Variants in AP1AR observed in about 807,000 individuals in gnomAD.
AP1AR encodes AP-1 complex-associated regulatory protein.
Under a neutral mutation model 46.3 loss-of-function variants are expected in AP1AR, and 29 were observed. The ratio of observed to expected loss-of-function variants is 0.63; its 90% CI spans 0.47 to 0.85. AP1AR has a LOEUF of 0.85. Ranked by LOEUF, AP1AR falls within the 40% of genes least tolerant of loss-of-function variation. AP1AR has a pLI of 0.00. For synonymous variants in AP1AR, 122 were observed against 122.9 expected (o/e 0.99, Z 0.05); for missense variants, 357 against 356.3 (o/e 1.00, Z -0.02).
At chr4:112,265,304 T>C (rs1031652593) in intron 7 of AP1AR, 1 of 411,814 alleles carries the variant, frequency 2.4e-6, no homozygotes. Flanking sequence ...CCCATATAGA[T>C]GTGATACAAT....
intron 1 of AP1AR, among the ~76,000 whole-genome samples, chr4:112,234,283 G>T (rs897366160): frequency 3.3e-5 from 5 of 152,196 alleles, no homozygotes; most frequent in African/African-American, 1.2e-4. Flanking sequence ...ATTCTCCAAT[G>T]AACATTTTCT....
intron 7 of AP1AR, chr4:112,265,325 C>T (rs181706282): frequency 2.4e-4 from 93 of 387,922 alleles, no homozygotes; most frequent in African/African-American, 1.3e-3. Context: ...AGCTGAATGC[C>T]TTTGGGTGAG....
Position 112,255,798 on chromosome 4 carries a change from T to C in AP1AR, c.159+1025T>C, listed in dbSNP as rs62313755. Among the ~76,000 whole-genome samples the C allele has an allele frequency of 5.2e-3, 799 of 152,358 alleles. 3 individuals carry two copies. The highest frequency in any genetic ancestry group is 8.0e-3 in the Non-Finnish European group (544 of 68,024). On this transcript the variant is annotated intron_variant, in intron 3 of 9. Coordinates refer to ENST00000274000, the MANE Select transcript of AP1AR (RefSeq NM_018569.6). ...TCAGCAAATTGTGTATATTTCAACA[T>C]TTGATCTTAGTCAAAAGGCTAAGAA...
chr4:112,253,713 T>C (rs1039964937), intron 2 of AP1AR, among the ~76,000 whole-genome samples: 1 of 152,198 alleles, frequency 6.6e-6, no homozygotes, highest in African/African-American at 2.4e-5. Flanking sequence ...CACTCCACCA[T>C]ACAAATTAAG....
rs1315718749 is a variant in AP1AR at position 112,271,977 on chromosome 4, A to C, written c.*3568A>C. Among the ~76,000 whole-genome samples, 1 of 152,220 alleles carries C rather than the reference A, an allele frequency of 6.6e-6. No homozygotes were observed. The highest frequency in any genetic ancestry group is 1.5e-5 in the Non-Finnish European group (1 of 68,038). The stretch of plus-strand genomic sequence containing the variant: ...GATACAGGAGGAATGCAGGAACCAG[A>C]GAATAGTGTCACAGGAGCCAGGAAA... On this transcript the variant is annotated 3_prime_UTR_variant, in exon 10 of 10. Transcript: ENST00000274000.
At position 112,257,755 on chromosome 4, in the gene AP1AR, A is replaced by C; in HGVS notation, c.160-17A>C. On this transcript the variant is annotated splice_polypyrimidine_tract_variant and intron_variant, in intron 3 of 9. Transcript: ENST00000274000. The stretch of plus-strand genomic sequence containing the variant: ...GCTAATGAATTTGTTTTAATTGTTT[A>C]ATTAATTTTTGTACAGGGGGAGAGC... 1 of 1,553,398 alleles carries C rather than the reference A, an allele frequency of 6.4e-7. No individual in the cohort carries two copies. Among genetic ancestry groups the C allele is most frequent in the South Asian group, 1.2e-5 (1 of 81,716 alleles).
chr4:112,253,082 T>A (rs1390036773), intron 1 of AP1AR, 126 bp from the exon 2 acceptor site: 1 of 617,050 alleles, frequency 1.6e-6, no homozygotes, highest in Non-Finnish European at 2.6e-6. Flanking sequence ...GTTCTTTTTT[T>A]ATAAATATAA....
At chr4:112,232,548 A>G (rs553248435) in intron 1 of AP1AR, among the ~76,000 whole-genome samples, 1 of 152,388 alleles carries the variant, frequency 6.6e-6, no homozygotes, top group Admixed American at 6.5e-5. Context: ...CGCCAAAGCT[A>G]GTATCCCTGT....
intron 1 of AP1AR, among the ~76,000 whole-genome samples, chr4:112,239,118 A>G (rs34762579): frequency 0.027 from 4,102 of 152,022 alleles, 183 homozygotes; most frequent in East Asian, 0.16. Context: ...TCTGTCCTCT[A>G]TATTTGTAGT....
At chr4:112,242,902 A>G (rs1018708327) in intron 1 of AP1AR, among the ~76,000 whole-genome samples, 3 of 152,214 alleles carry the variant, frequency 2.0e-5, no homozygotes, top group African/African-American at 7.2e-5. Context: ...TTACATGTAA[A>G]TGAATGTCCA....
At chr4:112,240,519 C>T (rs1419661680) in intron 1 of AP1AR, among the ~76,000 whole-genome samples, 3 of 152,178 alleles carry the variant, frequency 2.0e-5, no homozygotes, top group Admixed American at 1.3e-4. Flanking sequence ...AATGAATACC[C>T]AGCTCTCAGT....
chr4:112,263,295 A>G (rs115161870), intron 6 of AP1AR, among the ~76,000 whole-genome samples: 236 of 152,322 alleles, frequency 1.5e-3, no homozygotes, highest in Admixed American at 3.3e-3. Context: ...TTGATACTCA[A>G]TGCTATTTAG....
At chr4:112,234,708 T>G (rs1412398202) in intron 1 of AP1AR, among the ~76,000 whole-genome samples, 1 of 151,912 alleles carries the variant, frequency 6.6e-6, no homozygotes. Flanking sequence ...AGTATAGGTC[T>G]GGATAGTTAG....
At chr4:112,259,807 G>A (rs1191711246) in intron 4 of AP1AR, among the ~76,000 whole-genome samples, 1 of 152,150 alleles carries the variant, frequency 6.6e-6, no homozygotes, top group Non-Finnish European at 1.5e-5. Context: ...TGTAGTAGGT[G>A]ACTCTGAACA....
At chr4:112,266,894 A>G in intron 9 of AP1AR, 178 bp downstream of exon 9, 1 of 501,198 alleles carries the variant, frequency 2.0e-6, no homozygotes, top group Non-Finnish European at 3.3e-6. Context: ...ATTTTTAGAA[A>G]ATTGCTTAAT....
At chr4:112,245,067 G>A (rs1306285766) in intron 1 of AP1AR, among the ~76,000 whole-genome samples, 2 of 151,992 alleles carry the variant, frequency 1.3e-5, no homozygotes, top group African/African-American at 2.4e-5. Flanking sequence ...AAGTAGGGTG[G>A]CTATTCTCCT....
chr4:112,243,148 C>T (rs533068251), intron 1 of AP1AR, among the ~76,000 whole-genome samples: 6 of 152,218 alleles, frequency 3.9e-5, no homozygotes, highest in East Asian at 1.9e-4. Flanking sequence ...ATTATGTGCC[C>T]GTAATCATTT....
intron 1 of AP1AR, among the ~76,000 whole-genome samples, chr4:112,237,774 CT>C (rs1560600976): frequency 6.6e-6 from 1 of 152,102 alleles, no homozygotes; most frequent in Admixed American, 6.6e-5. Context: ...GATATTCCTT[CT>C]TTTTTTAGTT....
rs564434500 is a variant in AP1AR, at chr4:112,233,567, C to T, written c.83+1393C>T. Among the ~76,000 whole-genome samples, 4 of 152,344 alleles carry T rather than the reference C, an allele frequency of 2.6e-5. No homozygotes were observed. The East Asian group carries it at 7.7e-4, about 29-fold the overall frequency. On this transcript the variant is annotated intron_variant, in intron 1 of 9. Coordinates refer to ENST00000274000, the MANE Select transcript of AP1AR (RefSeq NM_018569.6). ...TTTACTATTATTTGTAGTTGTGTTA[C>T]AGGGCGTTAAATTCTAACTCCAAGA...
Sources: allele counts gnomAD v4.1 joint callset (sites outside exome capture counted in the v4.1 genomes callset), GRCh38; gene constraint gnomAD v4.1.1; transcripts MANE v1.5; gene names NCBI Gene and HGNC (gene_info 2026-07-23, HGNC 2026-07-21).